The following PROX2 variants were observed in gnomAD, a reference collection of about 807,000 sequenced individuals.
PROX2 encodes the protein prospero homeobox 2.
Under a neutral mutation model 48.9 loss-of-function variants are expected in PROX2, and 46 were observed. The observed-to-expected ratio is 0.94, with a 90% CI of 0.74 to 1.20. The LOEUF is 1.20. Ranked by LOEUF, PROX2 falls within the 50% of genes most tolerant of loss-of-function variation. PROX2 has a pLI of 0.00. For missense variants in PROX2, 663 were observed against 719.4 expected (o/e 0.92, Z 0.90); for synonymous variants, 260 against 276.6 (o/e 0.94, Z 0.60).
intron 2 of PROX2, among the ~76,000 whole-genome samples, chr14:74,868,314 T>C (rs1369970789): frequency 1.1e-3 from 2 of 1,784 alleles, no homozygotes; most frequent in African/African-American, 3.6e-3. Context: ...TTCTCGTAAT[T>C]ATATATATAT....
intron 4 of PROX2, chr14:74,857,244 T>A (rs1369005795): frequency 2.6e-6 from 1 of 385,864 alleles, no homozygotes; most frequent in African/African-American, 2.0e-5. Flanking sequence ...TTTATGGGGG[T>A]TGTTTTACCC....
chr14:74,870,471 C>T (rs1019567230), intron 2 of PROX2, among the ~76,000 whole-genome samples: 81 of 150,434 alleles, frequency 5.4e-4, no homozygotes, highest in African/African-American at 1.8e-3. Context: ...CACACACACG[C>T]CCATACATTA....
chr14:74,873,900 G>T, intron 1 of PROX2: 1 of 457,882 alleles, frequency 2.2e-6, no homozygotes, highest in East Asian at 6.2e-5. Flanking sequence ...TGCAGTGTGA[G>T]GAGCAGGGTT....
Position 74,854,451 on chromosome 14 carries a change from T to TC in PROX2, c.*680_*681insG. 2 of 270,804 alleles carry TC rather than the reference T, an allele frequency of 7.4e-6. No homozygotes were observed. Among genetic ancestry groups the TC allele is most frequent in the Non-Finnish European group, 1.5e-5 (2 of 134,620 alleles). The allele number at this position is 270,804 out of a possible 1,614,324, so 16.8% of individuals were successfully genotyped here. A position where few individuals can be genotyped will look rare whatever the true frequency, so the allele number is the denominator to read the frequency against. On this transcript the variant is annotated 3_prime_UTR_variant, in exon 6 of 6. Coordinates refer to ENST00000556489, the MANE Select transcript of PROX2 (RefSeq NM_001243007.2). Reference sequence around the variant, plus strand: ...GAGATCCTGAGTTAGCTGCAGGAGATGGGTCCAGCATGCAGTTGGGCATCA... The same window carrying TC: ...GAGATCCTGAGTTAGCTGCAGGAGATCGGGTCCAGCATGCAGTTGGGCATCA...
intron 1 of PROX2, chr14:74,873,936 G>A: frequency 8.4e-6 from 4 of 475,966 alleles, no homozygotes; most frequent in Non-Finnish European, 1.7e-5. Flanking sequence ...CAGAGATGAA[G>A]ATGTATTGGA....
intron 2 of PROX2, among the ~76,000 whole-genome samples, chr14:74,865,704 G>A (rs1402437940): frequency 6.6e-6 from 1 of 151,776 alleles, no homozygotes; most frequent in East Asian, 2.0e-4. Context: ...GGTGGCGGGC[G>A]CCTATAGTCC....
At chr14:74,859,316 A>G (rs937627291) in intron 3 of PROX2, 2 of 152,168 alleles carry the variant, frequency 1.3e-5, no homozygotes, top group Non-Finnish European at 1.5e-5. Context: ...TTTTTACTGT[A>G]TGTTTGTCTC....
Position 74,854,192 on chromosome 14 carries a change from C to T in PROX2, c.*940G>A. 1 of 428,876 alleles carries T rather than the reference C, an allele frequency of 2.3e-6. No individual in the cohort carries two copies. The highest frequency in any genetic ancestry group is 1.7e-5 in the South Asian group (1 of 59,904). 26.6% of individuals were successfully genotyped at this position (428,876 alleles called of 1,614,324 possible). A position where few individuals can be genotyped will look rare whatever the true frequency, so the allele number is the denominator to read the frequency against. On this transcript the variant is annotated 3_prime_UTR_variant, in exon 6 of 6. Coordinates refer to ENST00000556489, the MANE Select transcript of PROX2 (RefSeq NM_001243007.2). The stretch of plus-strand genomic sequence containing the variant: ...TTCTTCTGCATATATGAGGTTGGGG[C>T]ACCAATTGCAATGGTCAGCTGGAGA...
chr14:74,862,932 T>C lies in PROX2; in HGVS notation c.903A>G (p.Gly301=). ...RVQLQAGVPV[G]NLSLAKRLDS... The stretch of plus-strand genomic sequence containing the variant: ...CTAGACGCTTGGCCAGTGATAAATT[T>C]CCTACTGGGACCCCAGCTTGTAGCT... The change falls in exon 3 of 6, where the codon GGA becomes GGG. Residue 301 remains glycine (G), a synonymous_variant. Coordinates refer to ENST00000556489, the MANE Select transcript of PROX2 (RefSeq NM_001243007.2). 6.2e-7 allele frequency: 1 copy of C among 1,613,934 alleles called. No individual in the cohort carries two copies.
At chr14:74,870,424 CAA>C (rs555317797) in intron 2 of PROX2, among the ~76,000 whole-genome samples, 5 of 48,880 alleles carry the variant, frequency 1.0e-4, no homozygotes, top group Admixed American at 4.6e-4. Context: ...AAGCCTGCCT[CAA>C]AAAAAAAAAA....
At position 74,854,356 on chromosome 14, in the gene PROX2, G is replaced by C. The variant is rs781328818; in HGVS notation, c.*776C>G. 6 of 369,904 alleles carry C rather than the reference G, an allele frequency of 1.6e-5. No individual in the cohort carries two copies. Among genetic ancestry groups the C allele is most frequent in the Non-Finnish European group, 2.2e-5 (4 of 182,144 alleles). The allele number at this position is 369,904 out of a possible 1,614,324, so 22.9% of individuals were successfully genotyped here. Reference sequence around the variant, plus strand: ...CTTGGGCGGTGAAGTGCTCCTAAGTGCTGGGCAGGAGTTGTCAGGTGACGG... The same window carrying C: ...CTTGGGCGGTGAAGTGCTCCTAAGTCCTGGGCAGGAGTTGTCAGGTGACGG... On this transcript the variant is annotated 3_prime_UTR_variant, in exon 6 of 6. Coordinates refer to ENST00000556489, the MANE Select transcript of PROX2 (RefSeq NM_001243007.2).
In PROX2 at chr14:74,863,145, C is replaced by T. The variant is rs553462646; in HGVS notation, c.690G>A (p.Leu230=). 7 of 1,614,054 alleles carry T rather than the reference C, an allele frequency of 4.3e-6. No individual in the cohort carries two copies. Among genetic ancestry groups the T allele is most frequent in the Admixed American group, 3.3e-5 (2 of 60,028 alleles). Residue 230 remains leucine (L), a synonymous_variant, in exon 3 of 6, where the codon CTG becomes CTA. Coordinates refer to ENST00000556489, the MANE Select transcript of PROX2 (RefSeq NM_001243007.2). The part of the protein sequence containing the change: ...PASLEILRKE[L]TRAVSQAVDS... The stretch of plus-strand genomic sequence containing the variant: ...CCACAGCCTGGGACACTGCCCTGGT[C>T]AGCTCTTTCCTCAGAATCTCTAGTG...
rs111891219 is a variant in PROX2, at chr14:74,864,395, T to C, written c.-174-387A>G. Among the ~76,000 whole-genome samples, 165 of 152,360 alleles carry C rather than the reference T, an allele frequency of 1.1e-3. 1 individual carries two copies. Among genetic ancestry groups the C allele is most frequent in the African/African-American group, 3.8e-3 (158 of 41,590 alleles). The stretch of plus-strand genomic sequence containing the variant: ...CATGAGAATGTGGTCATGCCTATTG[T>C]CTACAGATAAGAAAACAAGATCAGA... On this transcript the variant is annotated intron_variant, in intron 2 of 5. Coordinates refer to ENST00000556489, the MANE Select transcript of PROX2 (RefSeq NM_001243007.2).
intron 1 of PROX2, among the ~76,000 whole-genome samples, chr14:74,875,308 G>A (rs1389534577): frequency 1.3e-5 from 2 of 152,162 alleles, no homozygotes; most frequent in African/African-American, 2.4e-5. Flanking sequence ...ACAGGCTAGC[G>A]TTAGGGGTCC....
rs1381879614 is a variant in PROX2, at chr14:74,875,992, G to GGCAGACCAT, written c.-408_-407insATGGTCTGC. Reference sequence around the variant, plus strand: ...GAGCAGCCCACTCTTCACCAGCCCTGGGCAGACAGAGCCATGGTCAGGAAG... The same window carrying GGCAGACCAT: ...GAGCAGCCCACTCTTCACCAGCCCTGGCAGACCATGGCAGACAGAGCCATGGTCAGGAAG... On this transcript the variant is annotated 5_prime_UTR_variant, in exon 1 of 6. In the 5' UTR this introduces an upstream ATG that the reference lacks. Transcript: ENST00000556489. 6.6e-6 allele frequency among the ~76,000 whole-genome samples: 1 copy of GGCAGACCAT among 152,210 alleles called. No individual in the cohort carries two copies. The highest frequency in any genetic ancestry group is 1.5e-5 in the Non-Finnish European group (1 of 68,030).
Position 74,863,418 on chromosome 14 carries a change from C to T in PROX2, c.417G>A (p.Leu139=). 6.2e-7 allele frequency: 1 copy of T among 1,613,456 alleles called. No individual in the cohort carries two copies. Among genetic ancestry groups the T allele is most frequent in the Non-Finnish European group, 8.5e-7 (1 of 1,179,570 alleles). Residue 139 remains leucine, a synonymous_variant, in exon 3 of 6, where the codon CTG becomes CTA. Coordinates refer to ENST00000556489, the MANE Select transcript of PROX2 (RefSeq NM_001243007.2). ...GPRVREQLHL[L]KQQLRHLQEH... is the part of the protein sequence containing the mutation. The stretch of plus-strand genomic sequence containing the variant: ...CTTGCAGATGTCTTAGCTGTTGCTT[C>T]AGCAGATGAAGTTGTTCTCTCACAC...
intron 4 of PROX2, chr14:74,857,575 C>G (rs2091754220): frequency 6.6e-6 from 1 of 152,566 alleles, no homozygotes; most frequent in African/African-American, 2.4e-5. Context: ...CCCTCAGAAA[C>G]CTTTTATGGG....
In PROX2 at chr14:74,855,278, C is replaced by T. The variant is rs2091734673; in HGVS notation, c.1633G>A (p.Ala545Thr). 5 of 1,556,906 alleles carry T rather than the reference C, an allele frequency of 3.2e-6. No homozygotes were observed. The highest frequency in any genetic ancestry group is 4.4e-6 in the Non-Finnish European group (5 of 1,141,138). ...AAGAACTCCTGTAACGTCAAGCTGG[C>T]AATTTCCAAGAAGCAATCTGGAACC... is the stretch of plus-strand genomic sequence containing the variant. Reference protein sequence around the residue: ...FEVPDCFLEIASLTLQEFFRA... With the variant: ...FEVPDCFLEITSLTLQEFFRA... The change falls in exon 6 of 6, where the codon GCC becomes ACC. Residue 545 changes from alanine (A) to threonine (T), a missense_variant. Coordinates refer to ENST00000556489, the MANE Select transcript of PROX2 (RefSeq NM_001243007.2).
intron 4 of PROX2, chr14:74,858,121 A>G: frequency 3.7e-6 from 1 of 271,758 alleles, no homozygotes; most frequent in Non-Finnish European, 6.9e-6. Context: ...AAAGGCCACT[A>G]ACTAGTGTTT....
Sources: gnomAD v4.1 joint callset for allele counts (sites outside exome capture counted in the v4.1 genomes callset) on GRCh38, gnomAD v4.1.1 for gene constraint, MANE v1.5 for transcripts, NCBI Gene and HGNC (gene_info 2026-07-23, HGNC 2026-07-21) for gene names.